Variants in KATNIP observed in about 807,000 individuals in gnomAD.
KATNIP encodes katanin interacting protein.
In KATNIP, 126 loss-of-function variants were observed where a neutral mutation model predicts 174.0. The observed-to-expected ratio is 0.72, with a 90% confidence interval of 0.63 to 0.84. KATNIP has a LOEUF of 0.84. Ranked by LOEUF, KATNIP falls within the 40% of genes least tolerant of loss-of-function variation. The pLI is 0.00. For missense variants in KATNIP, 1,958 were observed against 2,109.7 expected, an observed-to-expected ratio of 0.93 and a Z score of 1.41; for synonymous variants, 810 against 835.7, an observed-to-expected ratio of 0.97 and a Z score of 0.53.
intron 13 of KATNIP, 72 bp downstream of exon 13, chr16:27,708,992 T>A: frequency 1.6e-6 from 2 of 1,277,616 alleles, no homozygotes. Flanking sequence ...TTGGTAAATC[T>A]GTGTTAAGGG....
intron 2 of KATNIP, among the ~76,000 whole-genome samples, chr16:27,604,198 A>G (rs1344811534): frequency 6.6e-6 from 1 of 152,178 alleles, no homozygotes; most frequent in Non-Finnish European, 1.5e-5. Context: ...TCCTGGGCTC[A>G]AGCGATCCTC....
intron 2 of KATNIP, among the ~76,000 whole-genome samples, chr16:27,595,915 A>T (rs145037756): frequency 1.7e-4 from 26 of 152,290 alleles, no homozygotes; most frequent in African/African-American, 5.3e-4. Context: ...GGGAACAGCA[A>T]GGGCAAAATC....
intron 2 of KATNIP, 52 bp downstream of exon 2, chr16:27,574,008 C>A (rs1378841864): frequency 1.3e-6 from 2 of 1,522,294 alleles, no homozygotes; most frequent in Non-Finnish European, 1.8e-6. Context: ...TTTGAAAGGA[C>A]CTGAGGGAGC....
chr16:27,751,943 G>T lies in KATNIP; in HGVS notation c.3552+19G>T, dbSNP rs748545073. 6 of 1,581,088 alleles carry T rather than the reference G, an allele frequency of 3.8e-6. No individual in the cohort carries two copies. The highest frequency in any genetic ancestry group is 5.1e-6 in the Non-Finnish European group (6 of 1,166,288). The stretch of plus-strand genomic sequence containing the variant: ...TGAACGGGTAGGACTGGAGCTGGGG[G>T]GCTGTGGGGGGACCCCCAGATAGGT... On this transcript the variant is annotated intron_variant, in intron 17 of 27. Coordinates refer to ENST00000261588, the MANE Select transcript of KATNIP (RefSeq NM_015202.5).
chr16:27,728,279 G>A (rs900057457), intron 14 of KATNIP, among the ~76,000 whole-genome samples: 14 of 152,336 alleles, frequency 9.2e-5, no homozygotes, highest in East Asian at 3.9e-4. Flanking sequence ...GGCACTTTCC[G>A]TTGGGTGGGA....
At chr16:27,590,768 C>T (rs1441326059) in intron 2 of KATNIP, among the ~76,000 whole-genome samples, 2 of 152,182 alleles carry the variant, frequency 1.3e-5, no homozygotes, top group South Asian at 2.1e-4. Flanking sequence ...TGGAGCAGCC[C>T]GGGCCCACCT....
At chr16:27,744,042 T>C (rs190774557) in intron 15 of KATNIP, among the ~76,000 whole-genome samples, 68 of 152,332 alleles carry the variant, frequency 4.5e-4, no homozygotes, top group Non-Finnish European at 9.0e-4. Flanking sequence ...GCCCCTGAGA[T>C]TTCATGCTTG....
intron 20 of KATNIP, among the ~76,000 whole-genome samples, 155 bp from the exon 21 acceptor site, chr16:27,769,706 C>T (rs958746200): frequency 1.3e-5 from 2 of 152,264 alleles, no homozygotes. Context: ...AGCGCCCACA[C>T]AGCACCTGAT....
chr16:27,564,055 C>T (rs529591934), intron 1 of KATNIP, among the ~76,000 whole-genome samples: 1 of 151,970 alleles, frequency 6.6e-6, no homozygotes, highest in African/African-American at 2.4e-5. Flanking sequence ...CAGAGCAAGA[C>T]CCTGTCTGGA....
intron 19 of KATNIP, among the ~76,000 whole-genome samples, chr16:27,764,004 G>C (rs2082044685): frequency 6.6e-6 from 1 of 152,234 alleles, no homozygotes; most frequent in Non-Finnish European, 1.5e-5. Context: ...GGGACATACA[G>C]AATAGAATGT....
intron 1 of KATNIP, among the ~76,000 whole-genome samples, chr16:27,553,218 T>A (rs1049659975): frequency 1.3e-3 from 194 of 152,326 alleles, no homozygotes; most frequent in Non-Finnish European, 7.9e-4. Flanking sequence ...TTATACGGTA[T>A]TTAAAAAATC....
At chr16:27,726,194 C>T (rs2080443498) in intron 14 of KATNIP, among the ~76,000 whole-genome samples, 1 of 152,210 alleles carries the variant, frequency 6.6e-6, no homozygotes. Flanking sequence ...TTATGAGAAT[C>T]TAATGCCTGA....
chr16:27,663,041 T>G (rs1018096375), intron 6 of KATNIP, among the ~76,000 whole-genome samples: 6 of 152,042 alleles, frequency 3.9e-5, no homozygotes, highest in Admixed American at 6.6e-5. Context: ...TGCTTTCATC[T>G]TAATTCCTCT....
chr16:27,619,553 C>T (rs2076136887), intron 3 of KATNIP, among the ~76,000 whole-genome samples: 1 of 152,152 alleles, frequency 6.6e-6, no homozygotes, highest in Admixed American at 6.5e-5. Context: ...TCTGGTCTCA[C>T]TGACTGGACT....
chr16:27,774,939 C>T lies in KATNIP; in HGVS notation c.4310-6C>T. Reference sequence around the variant, plus strand: ...TTGGGTTATGGCAACTTAGACGTCTCCTCAGATATTGCGGCCTTCCCCGAC... The same window carrying T: ...TTGGGTTATGGCAACTTAGACGTCTTCTCAGATATTGCGGCCTTCCCCGAC... On this transcript the variant is annotated splice_polypyrimidine_tract_variant and splice_region_variant and intron_variant, in intron 23 of 27. Coordinates refer to ENST00000261588, the MANE Select transcript of KATNIP (RefSeq NM_015202.5). 6.2e-7 allele frequency: 1 copy of T among 1,613,852 alleles called. No homozygotes were observed. Among genetic ancestry groups the T allele is most frequent in the South Asian group, 1.1e-5 (1 of 91,052 alleles).
In KATNIP at chr16:27,740,158, CAGAAGAACG is replaced by C; in HGVS notation, c.1868_1876del (p.Asn623_Lys625del). 1 of 1,614,100 alleles carries C rather than the reference CAGAAGAACG, an allele frequency of 6.2e-7. No homozygotes were observed. The highest frequency in any genetic ancestry group is 8.5e-7 in the Non-Finnish European group (1 of 1,180,028). ...AGCTGACCACAGCATCCTGGTTGACCAGAAGAACGAGAAGAGCGAGCAACTAGAGGAGGC... is the reference window on the plus strand; with the variant it reads ...AGCTGACCACAGCATCCTGGTTGACCAGAAGAGCGAGCAACTAGAGGAGGC... On this transcript the variant is annotated inframe_deletion, in exon 15 of 28. Transcript: ENST00000261588.
At chr16:27,618,155 G>C (rs1345357309) in intron 2 of KATNIP, among the ~76,000 whole-genome samples, 2 of 152,190 alleles carry the variant, frequency 1.3e-5, no homozygotes, top group Non-Finnish European at 2.9e-5. Flanking sequence ...CTTGATCTTA[G>C]AGGGCATGGG....
At chr16:27,734,395 TAAAAA>T in intron 14 of KATNIP, among the ~76,000 whole-genome samples, 1 of 113,782 alleles carries the variant, frequency 8.8e-6, no homozygotes, top group Non-Finnish European at 1.8e-5. Flanking sequence ...GGGACTTATT[TAAAAA>T]AAAAAAAAAA....
At chr16:27,692,247 A>C (rs2078759679) in intron 8 of KATNIP, among the ~76,000 whole-genome samples, 1 of 152,074 alleles carries the variant, frequency 6.6e-6, no homozygotes, top group African/African-American at 2.4e-5. Flanking sequence ...TTGGTCCCTT[A>C]TTTATGGAAT....
Sources: allele counts gnomAD v4.1 joint callset (sites outside exome capture counted in the v4.1 genomes callset), GRCh38; gene constraint gnomAD v4.1.1; transcripts MANE v1.5; gene names NCBI Gene and HGNC (gene_info 2026-07-23, HGNC 2026-07-21).